Variants in FCN2 observed in about 807,000 individuals in gnomAD.
The protein encoded by FCN2 is ficolin-2.
A neutral mutation model predicts 32.5 loss-of-function variants in FCN2; 31 were observed. The observed-to-expected ratio is 0.96, with a 90% CI of 0.72 to 1.29. The LOEUF (loss-of-function observed/expected upper bound fraction) is 1.29. Among genes scored for constraint, FCN2 ranks in the 50% most tolerant of loss-of-function variants. The pLI, the probability that FCN2 is intolerant of heterozygous loss-of-function variation, is 0.00. For synonymous variants in FCN2, 181 were observed against 164.5 expected, an observed-to-expected ratio of 1.10 and a Z score of -0.77; for missense variants, 412 against 406.5, an observed-to-expected ratio of 1.01 and a Z score of -0.12.
At position 134,887,463 on chromosome 9, in the gene FCN2, G is replaced by C. The variant is rs773012129; in HGVS notation, c.*48G>C. 1.6e-5 allele frequency: 26 copies of C among 1,597,204 alleles called. No individual in the cohort carries two copies. Among genetic ancestry groups the C allele is most frequent in the East Asian group, 2.2e-5 (1 of 44,760 alleles). On this transcript the variant is annotated 3_prime_UTR_variant, in exon 8 of 8. Coordinates refer to ENST00000291744, the MANE Select transcript of FCN2 (RefSeq NM_004108.3). ...GACGCCTCCACACATAGTTGGTTGG[G>C]GGGTAGGGTTGGGAGCTTGGCCCTA... is the stretch of plus-strand genomic sequence containing the variant.
At chr9:134,872,570 C>T in the FCN2 span, among the ~76,000 whole-genome samples, 1 of 152,136 alleles carries the variant, frequency 6.6e-6, no homozygotes, top group African/African-American at 2.4e-5. Flanking sequence ...GCTGGGGAGG[C>T]CTCACCATCA....
the FCN2 span, among the ~76,000 whole-genome samples, chr9:134,871,291 T>A: frequency 1.3e-5 from 2 of 152,160 alleles, no homozygotes; most frequent in African/African-American, 4.8e-5. Context: ...TCGGGGCCTG[T>A]GGTTTCTGGG....
At chr9:134,873,854 A>C in the FCN2 span, among the ~76,000 whole-genome samples, 1 of 151,496 alleles carries the variant, frequency 6.6e-6, no homozygotes, top group Non-Finnish European at 1.5e-5. Flanking sequence ...ACAGTCTTTT[A>C]AATGGCAGAA....
At chr9:134,867,735 G>C in the FCN2 span, among the ~76,000 whole-genome samples, 1 of 150,708 alleles carries the variant, frequency 6.6e-6, no homozygotes, top group East Asian at 1.9e-4. Flanking sequence ...CTGTGTCCTT[G>C]GACCCCACAC....
At position 134,885,358 on chromosome 9, in the gene FCN2, G is replaced by T. The variant is rs1008316652; in HGVS notation, c.421G>T (p.Gly141Cys). Residue 141 changes from glycine to cysteine, a missense_variant, in exon 5 of 8, where the codon GGC becomes TGC. Physicochemically the swap from Gly to Cys is radical, Grantham distance 159 (BLOSUM62 -3). Transcript: ENST00000291744. ...CTGTGACATGGACACGGACGGAGGGGGCTGGACCGTGAGTGTGGGGCTGGG... is the reference window on the plus strand; with the variant it reads ...CTGTGACATGGACACGGACGGAGGGTGCTGGACCGTGAGTGTGGGGCTGGG... Reference protein sequence around the residue: ...VLCDMDTDGGGWTVFQRRVDG... With the variant: ...VLCDMDTDGGCWTVFQRRVDG... 8 of 1,613,706 alleles carry T rather than the reference G, an allele frequency of 5.0e-6. No homozygotes were observed. The highest frequency in any genetic ancestry group is 6.8e-6 in the Non-Finnish European group (8 of 1,179,902).
the FCN2 span, chr9:134,868,373 C>T: frequency 7.0e-5 from 12 of 170,962 alleles, no homozygotes; most frequent in South Asian, 1.4e-3. The surrounding 1 kb of genome is among the most constrained non-coding windows in gnomAD (Gnocchi z 4.3). Context: ...GTGTCTACCT[C>T]GGGGGGGCCC....
At chr9:134,875,271 T>G in the FCN2 span, among the ~76,000 whole-genome samples, 1 of 152,234 alleles carries the variant, frequency 6.6e-6, no homozygotes. Context: ...TTGTTCTAAT[T>G]GCATTCATTC....
At chr9:134,881,090 C>T (rs1381632212) in intron 1 of FCN2, among the ~76,000 whole-genome samples, 169 bp downstream of exon 1, 1 of 152,228 alleles carries the variant, frequency 6.6e-6, no homozygotes, top group Non-Finnish European at 1.5e-5. Context: ...CGCAGAGGCC[C>T]CGAATGGATG....
In FCN2 at chr9:134,885,224, G is replaced by C. The variant is rs749189570; in HGVS notation, c.302-15G>C. 2 of 1,613,800 alleles carry C rather than the reference G, an allele frequency of 1.2e-6. No homozygotes were observed. The highest frequency in any genetic ancestry group is 8.5e-7 in the Non-Finnish European group (1 of 1,179,958). On this transcript the variant is annotated splice_polypyrimidine_tract_variant and intron_variant, in intron 4 of 7. Transcript: ENST00000291744. ...GGCTCCTGTCCTGCAGCCATTCCCC[G>C]GGTTCCCTTCCCAGGCCCGCGTACC...
the FCN2 span, among the ~76,000 whole-genome samples, chr9:134,866,654 T>G: frequency 6.7e-6 from 1 of 148,560 alleles, no homozygotes; most frequent in Admixed American, 6.7e-5. Flanking sequence ...CTAATTAAAC[T>G]AAAGAGCTTC....
chr9:134,879,293 TA>T (rs1432300279), upstream of FCN2, among the ~76,000 whole-genome samples: 1 of 152,252 alleles, frequency 6.6e-6, no homozygotes, highest in Non-Finnish European at 1.5e-5. Flanking sequence ...TTAAATAGCA[TA>T]TTTTTTTAGA....
intron 7 of FCN2, 40 bp from the exon 8 acceptor site, chr9:134,887,128 G>A (rs1392703424): frequency 1.2e-6 from 2 of 1,612,764 alleles, no homozygotes; most frequent in South Asian, 1.1e-5. Context: ...CTGTAATGAT[G>A]TTACTGCCTG....
At chr9:134,880,454 C>G (rs1200254337), upstream of FCN2, among the ~76,000 whole-genome samples, 1 of 152,208 alleles carries the variant, frequency 6.6e-6, no homozygotes, top group Non-Finnish European at 1.5e-5. Flanking sequence ...GGAGAGAGAC[C>G]TCTTTGAAGC....
At chr9:134,877,132 A>T (rs923480516), upstream of FCN2, among the ~76,000 whole-genome samples, 4 of 152,170 alleles carry the variant, frequency 2.6e-5, no homozygotes, top group African/African-American at 9.7e-5. Context: ...TTCAGGTTGT[A>T]TTGATTTTCT....
At chr9:134,883,214 T>A (rs897462396) in intron 2 of FCN2, 88 bp from the exon 3 acceptor site, 2 of 1,107,698 alleles carry the variant, frequency 1.8e-6, no homozygotes, top group African/African-American at 3.1e-5. Context: ...ATGGTCATGA[T>A]TGGAAATGAC....
intron 3 of FCN2, 106 bp downstream of exon 3, chr9:134,883,461 G>T: frequency 3.0e-6 from 3 of 993,778 alleles, no homozygotes; most frequent in African/African-American, 3.2e-5. Context: ...CCTCGCCAGA[G>T]CCAACGCCTG....
rs999284535 is a variant in FCN2 at position 134,885,704 on chromosome 9, G to T, written c.430-64G>T. ...ACAAATGCTGCTCCTCTGGAGGGCGGGTCCCCCGTGCTGTGGGACGTCGGC... is the reference window on the plus strand; with the variant it reads ...ACAAATGCTGCTCCTCTGGAGGGCGTGTCCCCCGTGCTGTGGGACGTCGGC... On this transcript the variant is annotated intron_variant, in intron 5 of 7. Coordinates refer to ENST00000291744, the MANE Select transcript of FCN2 (RefSeq NM_004108.3). 16 of 1,607,588 alleles carry T rather than the reference G, an allele frequency of 1.0e-5. No homozygotes were observed. The African/African-American group carries it at 1.9e-4, about 19-fold the overall frequency.
intron 3 of FCN2, among the ~76,000 whole-genome samples, chr9:134,884,120 CA>C (rs1411947831): frequency 6.6e-6 from 1 of 151,996 alleles, no homozygotes; most frequent in African/African-American, 2.4e-5. Context: ...AGAACCATGC[CA>C]ACAAGTTCCA....
rs544091539 is a variant in FCN2, at chr9:134,885,002, C to T, written c.301+230C>T. Among the ~76,000 whole-genome samples, 7 of 152,332 alleles carry T rather than the reference C, an allele frequency of 4.6e-5. 1 individual carries two copies. The highest frequency in any genetic ancestry group is 4.1e-4 in the South Asian group (2 of 4,828). On this transcript the variant is annotated intron_variant, in intron 4 of 7. Coordinates refer to ENST00000291744, the MANE Select transcript of FCN2 (RefSeq NM_004108.3). ...CTATTTATAATCTACGCCAGAAGGCCGGGTGCCCAGGAGCTGAAGGTGGGG... is the reference window on the plus strand; with the variant it reads ...CTATTTATAATCTACGCCAGAAGGCTGGGTGCCCAGGAGCTGAAGGTGGGG...
Sources: gnomAD v4.1 joint callset for allele counts (sites outside exome capture counted in the v4.1 genomes callset) on GRCh38, gnomAD v4.1.1 for gene constraint, Gnocchi (gnomAD v3.1) non-coding constraint, MANE v1.5 for transcripts, NCBI Gene and HGNC (gene_info 2026-07-23, HGNC 2026-07-21) for gene names.